The following PCOLCE2 variants were observed in gnomAD, a reference collection of about 807,000 sequenced individuals.
PCOLCE2 encodes the protein procollagen C-proteinase enhancer 2.
A neutral mutation model predicts 47.0 loss-of-function variants in PCOLCE2; 42 were observed. The ratio of observed to expected loss-of-function variants is 0.89; its 90% CI spans 0.70 to 1.16. The LOEUF (loss-of-function observed/expected upper bound fraction) is 1.16, where lower values mean the gene tolerates loss of function less well. Among genes scored for constraint, PCOLCE2 ranks in the 50% most tolerant of loss-of-function variants. The pLI is 0.00. For missense variants in PCOLCE2, 500 were observed against 526.1 expected (o/e 0.95, Z 0.49); for synonymous variants, 169 against 191.7 (o/e 0.88, Z 0.98).
intron 2 of PCOLCE2, among the ~76,000 whole-genome samples, chr3:142,873,061 T>C (rs1933425614): frequency 6.6e-6 from 1 of 152,116 alleles, no homozygotes; most frequent in Non-Finnish European, 1.5e-5. Context: ...CATTCAACCT[T>C]ATATTACTTA....
At chr3:142,838,353 G>A (rs140532939) in intron 5 of PCOLCE2, among the ~76,000 whole-genome samples, 65 of 152,132 alleles carry the variant, frequency 4.3e-4, no homozygotes, top group Admixed American at 7.2e-4. Context: ...TCATCAGGGC[G>A]GTTTCTCATG....
chr3:142,821,910 TTTTTTG>T (rs967023082), intron 7 of PCOLCE2, among the ~76,000 whole-genome samples: 2 of 151,970 alleles, frequency 1.3e-5, no homozygotes, highest in African/African-American at 4.8e-5. Flanking sequence ...AATACAGTTT[TTTTTTG>T]TTGTTGTTGT....
intron 2 of PCOLCE2, among the ~76,000 whole-genome samples, chr3:142,852,932 G>A (rs7630055): frequency 0.01 from 1,563 of 151,146 alleles, 33 homozygotes; most frequent in African/African-American, 0.036. Flanking sequence ...TAGGGAGATC[G>A]TGTCTCTACA....
At chr3:142,827,170 T>C in intron 6 of PCOLCE2, 1 of 1,405,274 alleles carries the variant, frequency 7.1e-7, no homozygotes, top group Non-Finnish European at 1.0e-6. Context: ...AGACCCATTT[T>C]GCAGCCAGCA....
At chr3:142,844,472 T>TA (rs1560134094) in intron 3 of PCOLCE2, among the ~76,000 whole-genome samples, 1 of 152,218 alleles carries the variant, frequency 6.6e-6, no homozygotes, top group African/African-American at 2.4e-5. Context: ...TTTAACTTCA[T>TA]AAAAAACTAC....
chr3:142,823,616 C>A lies in PCOLCE2; in HGVS notation c.866-1G>T. ...CACAAGGCCACGGTGGGTTTTAAAC[C>A]TTAATTCAAAGAAGACATAAGTTTC... is the stretch of plus-strand genomic sequence containing the variant. On this transcript the variant is annotated splice_acceptor_variant, in intron 6 of 8. Coordinates refer to ENST00000295992, the MANE Select transcript of PCOLCE2 (RefSeq NM_013363.4). LOFTEE classifies it high-confidence loss of function. 1 of 1,581,562 alleles carries A rather than the reference C, an allele frequency of 6.3e-7. No individual in the cohort carries two copies. Among genetic ancestry groups the A allele is most frequent in the Non-Finnish European group, 8.7e-7 (1 of 1,152,644 alleles).
At chr3:142,825,021 A>T (rs573424989) in intron 6 of PCOLCE2, among the ~76,000 whole-genome samples, 39 of 152,348 alleles carry the variant, frequency 2.6e-4, no homozygotes, top group African/African-American at 7.0e-4. Context: ...TAATGTTAAA[A>T]TACATATAAT....
chr3:142,824,718 C>A (rs1937054565), intron 6 of PCOLCE2, among the ~76,000 whole-genome samples: 1 of 152,190 alleles, frequency 6.6e-6, no homozygotes, highest in Non-Finnish European at 1.5e-5. Context: ...TGGCTCACTG[C>A]AAGCTCCACC....
chr3:142,869,464 A>G (rs1933342359), intron 2 of PCOLCE2, among the ~76,000 whole-genome samples: 1 of 152,208 alleles, frequency 6.6e-6, no homozygotes, highest in East Asian at 1.9e-4. Flanking sequence ...CTGTTGGGGG[A>G]AAATCTACAT....
chr3:142,826,481 C>T (rs1937079642), intron 6 of PCOLCE2, among the ~76,000 whole-genome samples: 1 of 152,192 alleles, frequency 6.6e-6, no homozygotes, highest in Non-Finnish European at 1.5e-5. Context: ...GCCAGCCCCT[C>T]TCACCTTTAT....
At chr3:142,886,629 G>T (rs955095604) in intron 2 of PCOLCE2, among the ~76,000 whole-genome samples, 1 of 152,162 alleles carries the variant, frequency 6.6e-6, no homozygotes, top group Non-Finnish European at 1.5e-5. Flanking sequence ...AATGACCTCA[G>T]TGGGAATACC....
At chr3:142,864,581 T>A (rs776820163) in intron 2 of PCOLCE2, 1 of 152,270 alleles carries the variant, frequency 6.6e-6, no homozygotes, top group Admixed American at 6.5e-5. Flanking sequence ...AGAAAATGTA[T>A]GGAGTTGTGC....
intron 2 of PCOLCE2, among the ~76,000 whole-genome samples, chr3:142,849,288 G>C (rs903843279): frequency 3.3e-5 from 5 of 152,016 alleles, no homozygotes; most frequent in African/African-American, 1.2e-4. Context: ...ATTCATTTTG[G>C]GTCCTGAAAC....
At chr3:142,858,923 C>T (rs147252845) in intron 2 of PCOLCE2, among the ~76,000 whole-genome samples, 82 of 152,176 alleles carry the variant, frequency 5.4e-4, no homozygotes, top group African/African-American at 1.8e-3. Context: ...GGTGGAGATT[C>T]CTGGAGAAAA....
At chr3:142,830,066 C>G (rs891864928) in intron 5 of PCOLCE2, among the ~76,000 whole-genome samples, 1 of 152,232 alleles carries the variant, frequency 6.6e-6, no homozygotes, top group Admixed American at 6.5e-5. Flanking sequence ...ATTCCACCTT[C>G]ACAACAACCC....
chr3:142,819,416 G>GTGAGAGCC (rs1219146582), intron 8 of PCOLCE2, among the ~76,000 whole-genome samples: 1 of 152,180 alleles, frequency 6.6e-6, no homozygotes, highest in Non-Finnish European at 1.5e-5. Context: ...ACAGTGGTCT[G>GTGAGAGCC]TGAGAGCCTG....
rs549913692 is a variant in PCOLCE2 at position 142,860,355 on chromosome 3, C to T, written c.193-11883G>A. On this transcript the variant is annotated intron_variant, in intron 2 of 8. Transcript: ENST00000295992. ...TTCAAGATTTTCATGACTACAGCCA[C>T]ATGAATATTAAATTTTTCACTGCTG... Among the ~76,000 whole-genome samples, 4 of 152,278 alleles carry T rather than the reference C, an allele frequency of 2.6e-5. No homozygotes were observed. In the South Asian group the frequency reaches 6.2e-4, roughly 24 times the overall value.
chr3:142,818,633 T>TG (rs924971943), intron 8 of PCOLCE2, among the ~76,000 whole-genome samples, 168 bp from the exon 9 acceptor site: 5 of 152,176 alleles, frequency 3.3e-5, no homozygotes, highest in African/African-American at 1.2e-4. Context: ...TTTTTAGAGA[T>TG]GGGGGTCTTG....
At chr3:142,827,047 C>A in intron 6 of PCOLCE2, 1 of 973,824 alleles carries the variant, frequency 1.0e-6, no homozygotes, top group Non-Finnish European at 1.6e-6. Flanking sequence ...ATATTGATGA[C>A]TCTTACTTTT....
Sources: allele counts gnomAD v4.1 joint callset (sites outside exome capture counted in the v4.1 genomes callset), GRCh38; gene constraint gnomAD v4.1.1; transcripts MANE v1.5; gene names NCBI Gene and HGNC (gene_info 2026-07-23, HGNC 2026-07-21).